The following MRPL14 variants were observed in gnomAD, a reference collection of about 807,000 sequenced individuals.
MRPL14 encodes large ribosomal subunit protein uL14m.
Under a neutral mutation model 10.9 loss-of-function variants are expected in MRPL14, and 8 were observed. The observed-to-expected ratio is 0.74, with a 90% CI of 0.43 to 1.33. The LOEUF (loss-of-function observed/expected upper bound fraction) is 1.33. Ranked by LOEUF, MRPL14 falls within the 40% of genes most tolerant of loss-of-function variation. The probability of loss-of-function intolerance (pLI) is 0.01; values close to 1 mark genes in which losing one functional copy is unlikely to be tolerated. For synonymous variants in MRPL14, 82 were observed against 74.1 expected, an observed-to-expected ratio of 1.11 and a Z score of -0.54; for missense variants, 179 against 194.5, an observed-to-expected ratio of 0.92 and a Z score of 0.47.
intron 1 of MRPL14, 43 bp from the exon 2 acceptor site, chr6:44,116,672 G>A: frequency 6.8e-7 from 1 of 1,462,026 alleles, no homozygotes; most frequent in South Asian, 1.1e-5. Context: ...TTCTAAGTCA[G>A]AGCCCTTAAA....
Position 44,114,363 on chromosome 6 carries a change from G to C in MRPL14, c.72-154C>G, listed in dbSNP as rs540131283. On this transcript the variant is annotated intron_variant, in intron 2 of 2. Coordinates refer to ENST00000372014, the MANE Select transcript of MRPL14 (RefSeq NM_032111.4). ...AGCAGCAACAGAAAGTCAGGACTTT[G>C]TGAAGACTTATCTGTACCCACAACA... Among the ~76,000 whole-genome samples, 39 of 152,354 alleles carry C rather than the reference G, an allele frequency of 2.6e-4. 1 individual carries two copies. The highest frequency in any genetic ancestry group is 8.2e-4 in the African/African-American group (34 of 41,586).
intron 2 of MRPL14, 107 bp downstream of exon 2, chr6:44,116,434 T>C: frequency 2.6e-6 from 3 of 1,147,152 alleles, no homozygotes; most frequent in Non-Finnish European, 3.9e-6. Flanking sequence ...CCCAACCCCA[T>C]GCCCACCTCC....
intron 1 of MRPL14, chr6:44,127,003 C>T (rs1465910909): frequency 6.6e-6 from 1 of 152,280 alleles, no homozygotes; most frequent in Non-Finnish European, 1.5e-5. Context: ...AGGAGACGCT[C>T]CGGAGTGACC....
intron 1 of MRPL14, among the ~76,000 whole-genome samples, chr6:44,123,631 C>T (rs1203326145): frequency 4.6e-5 from 7 of 152,246 alleles, no homozygotes; most frequent in African/African-American, 1.7e-4. Flanking sequence ...CCCCATTTCT[C>T]AACCCCATTT....
Position 44,113,932 on chromosome 6 carries a change from T to A in MRPL14, c.349A>T (p.Thr117Ser), listed in dbSNP as rs764451451. 1 of 1,611,168 alleles carries A rather than the reference T, an allele frequency of 6.2e-7. No homozygotes were observed. Among genetic ancestry groups the A allele is most frequent in the South Asian group, 1.1e-5 (1 of 91,024 alleles). The change falls in exon 3 of 3, where the codon ACA becomes TCA. Residue 117 changes from threonine to serine, a missense_variant. Coordinates refer to ENST00000372014, the MANE Select transcript of MRPL14 (RefSeq NM_032111.4). ...LIEDNGNPVG[T>S]RIKTPIPTSL... Reference sequence around the variant, plus strand: ...GTGGGGATGGGTGTCTTAATTCGTGTCCCCACAGGGTTCCCGTTGTCCTCA... The same window carrying A: ...GTGGGGATGGGTGTCTTAATTCGTGACCCCACAGGGTTCCCGTTGTCCTCA...
intron 1 of MRPL14, among the ~76,000 whole-genome samples, chr6:44,118,363 A>G (rs1776072041): frequency 6.6e-6 from 1 of 152,240 alleles, no homozygotes; most frequent in Non-Finnish European, 1.5e-5. Flanking sequence ...ATTAGCTATC[A>G]TCATCATGAT....
At chr6:44,126,614 A>G (rs183086655) in intron 1 of MRPL14, among the ~76,000 whole-genome samples, 3 of 152,126 alleles carry the variant, frequency 2.0e-5, no homozygotes, top group Non-Finnish European at 4.4e-5. Context: ...TTATAAATTC[A>G]GTCCCGTCCG....
intron 1 of MRPL14, among the ~76,000 whole-genome samples, chr6:44,122,012 G>A (rs540123316): frequency 6.6e-6 from 1 of 151,656 alleles, no homozygotes; most frequent in South Asian, 2.1e-4. Context: ...GGGGTTGGTG[G>A]TTTTTCCTGT....
intron 1 of MRPL14, chr6:44,127,104 G>A (rs1330779934): frequency 6.6e-6 from 1 of 151,972 alleles, no homozygotes; most frequent in Non-Finnish European, 1.5e-5. Context: ...GGGGGTCGCA[G>A]AAGCAGCCCA....
intron 1 of MRPL14, among the ~76,000 whole-genome samples, chr6:44,117,318 C>T (rs1405764333): frequency 6.6e-6 from 1 of 152,180 alleles, no homozygotes; most frequent in Non-Finnish European, 1.5e-5. Flanking sequence ...AGAGCAAACA[C>T]CAACCCAAGA....
At chr6:44,119,694 A>G (rs1300185521) in intron 1 of MRPL14, among the ~76,000 whole-genome samples, 1 of 152,228 alleles carries the variant, frequency 6.6e-6, no homozygotes, top group Non-Finnish European at 1.5e-5. Flanking sequence ...ACTCAGAGCA[A>G]TAACTAAAAA....
intron 1 of MRPL14, 84 bp from the exon 2 acceptor site, chr6:44,116,713 A>G: frequency 2.4e-6 from 2 of 850,096 alleles, no homozygotes; most frequent in Admixed American, 1.9e-5. Flanking sequence ...TGTGTGGGAG[A>G]TGGCACTTCC....
intron 1 of MRPL14, among the ~76,000 whole-genome samples, chr6:44,118,499 C>A (rs2128195621): frequency 6.6e-6 from 1 of 152,310 alleles, no homozygotes; most frequent in South Asian, 2.1e-4. Flanking sequence ...AGTGTTCCAA[C>A]CGCACTCTGC....
chr6:44,124,439 T>C (rs1305834932), intron 1 of MRPL14, among the ~76,000 whole-genome samples: 1 of 152,226 alleles, frequency 6.6e-6, no homozygotes, highest in Non-Finnish European at 1.5e-5. Flanking sequence ...AATTATCCAG[T>C]ACAGACTAGA....
At chr6:44,124,831 T>C (rs529235705) in intron 1 of MRPL14, among the ~76,000 whole-genome samples, 12 of 152,260 alleles carry the variant, frequency 7.9e-5, no homozygotes, top group African/African-American at 2.6e-4. Context: ...AGACAAACCA[T>C]GAGCCTATAA....
At chr6:44,114,888 C>T (rs1375049880) in intron 2 of MRPL14, among the ~76,000 whole-genome samples, 4 of 152,196 alleles carry the variant, frequency 2.6e-5, no homozygotes, top group Admixed American at 2.6e-4. Flanking sequence ...AGATTACAGG[C>T]GTGAGCCACC....
intron 1 of MRPL14, among the ~76,000 whole-genome samples, chr6:44,123,419 C>A (rs1241379581): frequency 6.6e-6 from 1 of 152,234 alleles, no homozygotes; most frequent in East Asian, 1.9e-4. Context: ...AAGGCTGCAA[C>A]ATAATCTTCA....
At chr6:44,120,166 C>T (rs541112897) in intron 1 of MRPL14, among the ~76,000 whole-genome samples, 82 of 152,330 alleles carry the variant, frequency 5.4e-4, no homozygotes, top group African/African-American at 1.8e-3. Flanking sequence ...ATCTCCTCCA[C>T]AAAGTCTTGT....
intron 1 of MRPL14, among the ~76,000 whole-genome samples, chr6:44,124,253 C>A (rs1562101795): frequency 6.6e-6 from 1 of 152,120 alleles, no homozygotes; most frequent in Non-Finnish European, 1.5e-5. Context: ...ATATCTCTTT[C>A]ACTCCATCCT....
Sources: allele counts gnomAD v4.1 joint callset (sites outside exome capture counted in the v4.1 genomes callset), GRCh38; gene constraint gnomAD v4.1.1; transcripts MANE v1.5; gene names NCBI Gene and HGNC (gene_info 2026-07-23, HGNC 2026-07-21).